PIP4P2: variants seen among roughly 807,000 people sequenced by gnomAD.
PIP4P2 encodes the protein type 2 phosphatidylinositol 4,5-bisphosphate 4-phosphatase.
PIP4P2 carries 19 observed loss-of-function variants against 33.3 expected under a neutral mutation model. The ratio of observed to expected loss-of-function variants is 0.57; its 90% CI spans 0.40 to 0.84. The LOEUF (loss-of-function observed/expected upper bound fraction) is 0.84, where lower values mean the gene tolerates loss of function less well. Ranked by LOEUF, PIP4P2 falls within the 40% of genes least tolerant of loss-of-function variation. PIP4P2 has a pLI of 0.00. For synonymous variants in PIP4P2, 110 were observed against 111.9 expected (o/e 0.98, Z 0.11); for missense variants, 270 against 324.7 (o/e 0.83, Z 1.29).
intron 4 of PIP4P2, among the ~76,000 whole-genome samples, chr8:91,015,726 A>G (rs1331603574): frequency 6.6e-6 from 1 of 152,210 alleles, no homozygotes; most frequent in African/African-American, 2.4e-5. Context: ...AACCTGATGC[A>G]TCGACCTTAC....
At chr8:91,014,936 G>GA (rs1023016391) in intron 4 of PIP4P2, among the ~76,000 whole-genome samples, 5 of 151,702 alleles carry the variant, frequency 3.3e-5, no homozygotes, top group East Asian at 3.9e-4. Context: ...ATAAAGCTGG[G>GA]AAAAAAACAG....
chr8:91,020,389 G>A (rs914458512), intron 2 of PIP4P2, 126 bp from the exon 3 acceptor site: 11 of 843,256 alleles, frequency 1.3e-5, no homozygotes, highest in East Asian at 2.7e-5. Context: ...GTAACTTAAG[G>A]TTTTATTTTA....
Position 91,029,200 on chromosome 8 carries a change from A to C in PIP4P2, c.107-7796T>G, listed in dbSNP as rs1334462919. ...TAGCGACTCGGGAGGCTGAGGCAGG[A>C]GAATCACTTGAACCCCGGAGGCGGA... is the stretch of plus-strand genomic sequence containing the variant. On this transcript the variant is annotated intron_variant, in intron 1 of 6. Transcript: ENST00000285419. Among the ~76,000 whole-genome samples the C allele has an allele frequency of 3.9e-5, 6 of 152,168 alleles. No homozygotes were observed. The East Asian group carries it at 9.7e-4, about 25-fold the overall frequency.
Position 90,996,749 on chromosome 8 carries a change from A to G in PIP4P2, c.540-5T>C, listed in dbSNP as rs978605734. The G allele has an allele frequency of 6.3e-7, 1 of 1,594,452 alleles. No individual in the cohort carries two copies. On this transcript the variant is annotated splice_region_variant and splice_polypyrimidine_tract_variant and intron_variant, in intron 5 of 6. Coordinates refer to ENST00000285419, the MANE Select transcript of PIP4P2 (RefSeq NM_018710.3). Reference sequence around the variant, plus strand: ...AGTGCACTACCCACTGAGGAGCTGCAAATTCATGAAAGCAAAAGAGAACAT... The same window carrying G: ...AGTGCACTACCCACTGAGGAGCTGCGAATTCATGAAAGCAAAAGAGAACAT...
At position 91,040,844 on chromosome 8, in the gene PIP4P2, C is replaced by CGCTGCA. The variant is rs1229392994; in HGVS notation, c.-101_-96dup. On this transcript the variant is annotated 5_prime_UTR_variant, in exon 1 of 7. Transcript: ENST00000285419. ...CTGCTGCCTCTGCTGCCGCTGCTGC[C>CGCTGCA]GCTGCAGCTGCTGCTGCTGCCGCCT... The CGCTGCA allele has an allele frequency of 1.1e-5, 12 of 1,116,444 alleles. No individual in the cohort carries two copies. In the African/African-American group the frequency reaches 1.6e-4, roughly 15 times the overall value. 69.2% of individuals were successfully genotyped at this position (1,116,444 alleles called of 1,614,324 possible).
chr8:90,998,699 C>A (rs1811662464), intron 5 of PIP4P2, among the ~76,000 whole-genome samples: 1 of 152,032 alleles, frequency 6.6e-6, no homozygotes, highest in Non-Finnish European at 1.5e-5. Flanking sequence ...GCTGGAATAA[C>A]TGGCTAGCCA....
At chr8:91,010,340 T>A (rs916809571) in intron 4 of PIP4P2, among the ~76,000 whole-genome samples, 5 of 151,932 alleles carry the variant, frequency 3.3e-5, no homozygotes, top group African/African-American at 1.2e-4. Flanking sequence ...AAGGTAATTA[T>A]GAAACCTTTG....
intron 4 of PIP4P2, 145 bp from the exon 5 acceptor site, chr8:91,008,940 A>G (rs1349189472): frequency 3.6e-6 from 2 of 559,062 alleles, no homozygotes; most frequent in East Asian, 2.8e-5. Flanking sequence ...TTTCCCTCCA[A>G]TACTTCTCTC....
rs542394236 is a variant in PIP4P2 at position 91,034,694 on chromosome 8, A to G, written c.106+5950T>C. On this transcript the variant is annotated intron_variant, in intron 1 of 6. Transcript: ENST00000285419. The stretch of plus-strand genomic sequence containing the variant: ...TCCTCATTGTGACAATCTGGCTTCC[A>G]GTGGGTTTCCGAATCCTTGGCAAGT... Among the ~76,000 whole-genome samples the G allele has an allele frequency of 5.2e-4, 79 of 152,290 alleles. 1 individual carries two copies. In the East Asian group the frequency reaches 0.015, roughly 28 times the overall value.
intron 1 of PIP4P2, among the ~76,000 whole-genome samples, chr8:91,037,070 CT>C (rs1295241262): frequency 1.3e-5 from 2 of 152,224 alleles, no homozygotes; most frequent in Non-Finnish European, 2.9e-5. Context: ...TGTAAAACCT[CT>C]TCTGACCTAC....
At chr8:91,005,294 T>C (rs555826139) in intron 5 of PIP4P2, among the ~76,000 whole-genome samples, 3 of 152,164 alleles carry the variant, frequency 2.0e-5, no homozygotes, top group Non-Finnish European at 4.4e-5. Flanking sequence ...CCATTCCATT[T>C]CCTTACTAGT....
chr8:91,001,192 A>C (rs1811693939), intron 5 of PIP4P2, among the ~76,000 whole-genome samples: 1 of 152,116 alleles, frequency 6.6e-6, no homozygotes, highest in Non-Finnish European at 1.5e-5. Context: ...GCAAATTATA[A>C]TACAATATTA....
intron 1 of PIP4P2, among the ~76,000 whole-genome samples, chr8:91,022,135 TAAC>T (rs1196011180): frequency 3.3e-5 from 5 of 152,016 alleles, no homozygotes; most frequent in Admixed American, 6.6e-5. Flanking sequence ...TCAAAAACCA[TAAC>T]AACAACCACC....
chr8:91,011,306 C>T (rs892686092), intron 4 of PIP4P2, among the ~76,000 whole-genome samples: 13 of 151,998 alleles, frequency 8.6e-5, no homozygotes, highest in Middle Eastern at 3.2e-3. Context: ...ATGCCTTTTA[C>T]CAGCAACAGA....
rs1471080899 is a variant in PIP4P2, at chr8:90,994,208, T to C, written c.*1469A>G. 6.6e-6 allele frequency: 1 copy of C among 152,156 alleles called. No individual in the cohort carries two copies. Among genetic ancestry groups the C allele is most frequent in the Non-Finnish European group, 1.5e-5 (1 of 67,966 alleles). 9.4% of individuals were successfully genotyped at this position (152,156 alleles called of 1,614,324 possible). ...GGTACATTCCTAAACATGAAAACTT[T>C]ACAGCAAGATTTCAAGGCAACTCTG... On this transcript the variant is annotated 3_prime_UTR_variant, in exon 7 of 7. Transcript: ENST00000285419.
intron 5 of PIP4P2, among the ~76,000 whole-genome samples, chr8:91,001,960 A>G (rs1811705129): frequency 1.3e-5 from 2 of 152,160 alleles, no homozygotes; most frequent in South Asian, 4.1e-4. Flanking sequence ...CGCATAAGTG[A>G]TATAAAAATA....
At chr8:91,000,008 T>C (rs1430763659) in intron 5 of PIP4P2, among the ~76,000 whole-genome samples, 2 of 152,012 alleles carry the variant, frequency 1.3e-5, no homozygotes, top group African/African-American at 4.8e-5. Context: ...CCATGACTCT[T>C]TCATTTCATT....
Position 91,025,755 on chromosome 8 carries a change from C to T in PIP4P2, c.107-4351G>A, listed in dbSNP as rs147185635. ...TTTGAGGAAAGCCTGGCTTTTTTCT[C>T]CTCTAATTTTCATTGCAAGTATTCA... On this transcript the variant is annotated intron_variant, in intron 1 of 6. Transcript: ENST00000285419. Among the ~76,000 whole-genome samples the T allele has an allele frequency of 2.7e-3, 404 of 152,156 alleles. 4 individuals are homozygous for T. Among genetic ancestry groups the T allele is most frequent in the African/African-American group, 9.3e-3 (384 of 41,490 alleles).
intron 5 of PIP4P2, among the ~76,000 whole-genome samples, chr8:90,999,499 G>A (rs1811674477): frequency 1.3e-5 from 2 of 151,950 alleles, no homozygotes; most frequent in South Asian, 4.1e-4. Context: ...ACGAAGACAG[G>A]CAATTTTGTC....
Sources: allele counts gnomAD v4.1 joint callset (sites outside exome capture counted in the v4.1 genomes callset), GRCh38; gene constraint gnomAD v4.1.1; transcripts MANE v1.5; gene names NCBI Gene and HGNC (gene_info 2026-07-23, HGNC 2026-07-21).